DSP: variants seen among roughly 807,000 people sequenced by gnomAD.
DSP encodes the protein 250/210 kDa paraneoplastic pemphigus antigen.
DSP carries 114 observed loss-of-function variants against 290.6 expected under a neutral mutation model. The ratio of observed to expected loss-of-function variants is 0.39; its 90% confidence interval spans 0.34 to 0.46. DSP has a LOEUF of 0.46. DSP is among the 20% of genes least tolerant of loss of function. DSP has a pLI of 0.99. For synonymous variants in DSP, 1,311 were observed against 1,316.4 expected, an observed-to-expected ratio of 1.00 and a Z score of 0.09; for missense variants, 3,230 against 3,495.8, an observed-to-expected ratio of 0.92 and a Z score of 1.92.
chr6:7,555,523 T>G (rs1191913473), intron 1 of DSP, among the ~76,000 whole-genome samples, 195 bp from the exon 2 acceptor site: 1 of 152,044 alleles, frequency 6.6e-6, no homozygotes, highest in East Asian at 1.9e-4. Context: ...TACACACAGA[T>G]AAATACACAC....
intron 16 of DSP, 56 bp downstream of exon 16, chr6:7,574,308 G>A: frequency 1.3e-6 from 2 of 1,552,550 alleles, no homozygotes; most frequent in Non-Finnish European, 1.8e-6. Flanking sequence ...TCTTTTTCTG[G>A]GTCTTCATTT....
chr6:7,554,111 ACACACACACACACACC>A (rs1758425468), intron 1 of DSP, among the ~76,000 whole-genome samples: 1 of 151,308 alleles, frequency 6.6e-6, no homozygotes, highest in African/African-American at 2.4e-5. Flanking sequence ...ACACACACAC[ACACACACACACACACC>A]CAGTTGGTTA....
In DSP at chr6:7,565,677, C is replaced by T. The variant is rs1758841827; in HGVS notation, c.939+157C>T. 1.2e-5 allele frequency: 12 copies of T among 1,010,828 alleles called. No individual in the cohort carries two copies. Among genetic ancestry groups the T allele is most frequent in the Non-Finnish European group, 1.8e-5 (12 of 679,598 alleles). The allele number at this position is 1,010,828 out of a possible 1,614,324, so 62.6% of individuals were successfully genotyped here. A position where few individuals can be genotyped will look rare whatever the true frequency, so the allele number is the denominator to read the frequency against. On this transcript the variant is annotated intron_variant, in intron 7 of 23. Coordinates refer to ENST00000379802, the MANE Select transcript of DSP (RefSeq NM_004415.4). The surrounding 1 kb of genome is among the most constrained non-coding windows in gnomAD (Gnocchi z 4.2). Reference sequence around the variant, plus strand: ...GTGAAAAATCCTTCCTTCCTGAAAACTTCTCCGTGTGGAGGCCATTATCCT... The same window carrying T: ...GTGAAAAATCCTTCCTTCCTGAAAATTTCTCCGTGTGGAGGCCATTATCCT...
intron 1 of DSP, among the ~76,000 whole-genome samples, chr6:7,549,350 T>C (rs1333215230): frequency 6.6e-6 from 1 of 152,148 alleles, no homozygotes; most frequent in East Asian, 1.9e-4. Context: ...GGTTTCTCCA[T>C]GTTGGTCAGG....
intron 4 of DSP, among the ~76,000 whole-genome samples, chr6:7,560,657 AG>A (rs757060255): frequency 6.6e-6 from 1 of 152,164 alleles, no homozygotes; most frequent in Non-Finnish European, 1.5e-5. Context: ...GCTTAGTTAG[AG>A]GGGAGGGTGG....
At chr6:7,567,595 C>G in intron 9 of DSP, 146 bp downstream of exon 9, 1 of 1,145,270 alleles carries the variant, frequency 8.7e-7, no homozygotes, top group South Asian at 1.3e-5. Context: ...CATAGATTTG[C>G]AACCTTGCCA....
chr6:7,572,289 C>T (rs547668138), intron 15 of DSP, among the ~76,000 whole-genome samples: 3 of 152,166 alleles, frequency 2.0e-5, no homozygotes, highest in Non-Finnish European at 2.9e-5. Context: ...ATCAGGCTAC[C>T]GTCCATCTCA....
intron 15 of DSP, among the ~76,000 whole-genome samples, chr6:7,573,460 C>A (rs1759123102): frequency 6.6e-6 from 1 of 151,976 alleles, no homozygotes; most frequent in Non-Finnish European, 1.5e-5. Flanking sequence ...CGCCTGTAAT[C>A]TCAGCTACTC....
intron 14 of DSP, 57 bp from the exon 15 acceptor site, chr6:7,571,785 T>A: frequency 6.4e-7 from 1 of 1,569,306 alleles, no homozygotes. Flanking sequence ...TTTTGAGGCC[T>A]AGCACCTTGA....
intron 17 of DSP, 147 bp from the exon 18 acceptor site, chr6:7,575,148 A>G: frequency 1.3e-6 from 1 of 773,152 alleles, no homozygotes; most frequent in Non-Finnish European, 2.1e-6. Context: ...TTCAGTAAAT[A>G]TATTTCCCTG....
intron 6 of DSP, among the ~76,000 whole-genome samples, chr6:7,564,651 T>A (rs1758802253): frequency 6.6e-6 from 1 of 152,210 alleles, no homozygotes; most frequent in African/African-American, 2.4e-5. Flanking sequence ...ATTTATTGTA[T>A]ATTTCAAAAT....
chr6:7,563,193 C>T (rs73375331), intron 5 of DSP, among the ~76,000 whole-genome samples: 4,312 of 152,238 alleles, frequency 0.028, 174 homozygotes, highest in African/African-American at 0.096. Flanking sequence ...GTCATCCCGA[C>T]ACCCGCTCCC....
chr6:7,574,142 G>A lies in DSP; in HGVS notation c.2187G>A (p.Met729Ile). The change falls in exon 16 of 24, where the codon ATG becomes ATA. Residue 729 changes from methionine to isoleucine, a missense_variant. This residue lies in a region of DSP where 1,714 missense variants were observed against 1,844.5 expected (regional missense o/e 0.93). Transcript: ENST00000379802. ...IAEVLNQLKD[M>I]LANFRGSEKY... ...AGGTTCTCAACCAGCTTAAAGATATGCTTGCCAACTTCAGAGGTTCTGAAA... is the reference window on the plus strand; with the variant it reads ...AGGTTCTCAACCAGCTTAAAGATATACTTGCCAACTTCAGAGGTTCTGAAA... The A allele has an allele frequency of 6.2e-7, 1 of 1,614,122 alleles. No individual in the cohort carries two copies. Among genetic ancestry groups the A allele is most frequent in the Non-Finnish European group, 8.5e-7 (1 of 1,179,994 alleles).
intron 4 of DSP, among the ~76,000 whole-genome samples, chr6:7,561,154 A>G (rs1581795450): frequency 6.6e-6 from 1 of 152,036 alleles, no homozygotes; most frequent in South Asian, 2.1e-4. Context: ...GGGTTTTGCC[A>G]TATTGGTCAG....
intron 8 of DSP, among the ~76,000 whole-genome samples, chr6:7,567,094 T>C (rs1362648610): frequency 6.6e-6 from 1 of 152,218 alleles, no homozygotes; most frequent in East Asian, 1.9e-4. Context: ...GGTCAGTATC[T>C]CTGCTATTTG....
At position 7,565,705 on chromosome 6, in the gene DSP, G is replaced by C. The variant is rs1758842586; in HGVS notation, c.939+185G>C. On this transcript the variant is annotated intron_variant, in intron 7 of 23. Coordinates refer to ENST00000379802, the MANE Select transcript of DSP (RefSeq NM_004415.4). This position sits in a 1 kb window ranked among gnomAD's most constrained non-coding sequence, Gnocchi z 4.2. ...CTCCGTGTGGAGGCCATTATCCTTA[G>C]CAAACTTATGCGGGAACAGAAAACC... 1.7e-5 allele frequency: 12 copies of C among 706,738 alleles called. No individual in the cohort carries two copies. Among genetic ancestry groups the C allele is most frequent in the East Asian group, 5.7e-5 (2 of 35,078 alleles). The allele number at this position is 706,738 out of a possible 1,614,324, so 43.8% of individuals were successfully genotyped here.
chr6:7,552,585 CAT>C (rs1758373056), intron 1 of DSP, among the ~76,000 whole-genome samples: 1 of 136,714 alleles, frequency 7.3e-6, no homozygotes, highest in East Asian at 2.0e-4. Context: ...AAAAAAAGAA[CAT>C]ATGGAAATGG....
At chr6:7,554,623 C>A (rs1370283374) in intron 1 of DSP, among the ~76,000 whole-genome samples, 2 of 151,960 alleles carry the variant, frequency 1.3e-5, no homozygotes, top group Non-Finnish European at 2.9e-5. Flanking sequence ...ACATTATTGT[C>A]TTTTACAGGA....
At position 7,584,818 on chromosome 6, in the gene DSP, T is replaced by C; in HGVS notation, c.7556T>C (p.Leu2519Pro). Residue 2519 changes from leucine (L) to proline (P), a missense_variant, in exon 24 of 24, where the codon CTG becomes CCG. Leu to Pro is a moderately conservative substitution (Grantham distance 98). This residue lies in a region of DSP where 582 missense variants were observed against 555.4 expected (regional missense o/e 1.05). Coordinates refer to ENST00000379802, the MANE Select transcript of DSP (RefSeq NM_004415.4). The surrounding 1 kb of genome is among the most constrained non-coding windows in gnomAD (Gnocchi z 6.4). ...TCAGATGGCTCCACCAGGGTGGTCC[T>C]GGTAGATAGAAAGACAGGCAGTCAG... ...TGSDGSTRVVLVDRKTGSQYD... is the reference protein window; with the variant it reads ...TGSDGSTRVVPVDRKTGSQYD... 6.2e-7 allele frequency: 1 copy of C among 1,614,184 alleles called. No homozygotes were observed. The highest frequency in any genetic ancestry group is 1.1e-5 in the South Asian group (1 of 91,088).
Sources: allele counts gnomAD v4.1 joint callset (sites outside exome capture counted in the v4.1 genomes callset), GRCh38; gene constraint gnomAD v4.1.1; regional missense constraint gnomAD v4.1.1; non-coding constraint Gnocchi (gnomAD v3.1); transcripts MANE v1.5; gene names NCBI Gene and HGNC (gene_info 2026-07-23, HGNC 2026-07-21).